Variants in PCED1B observed in about 807,000 individuals in gnomAD.
PCED1B encodes PC-esterase domain-containing protein 1B.
For synonymous variants in PCED1B, 251 were observed against 246.1 expected, an observed-to-expected ratio of 1.02 and a Z score of -0.19; for missense variants, 573 against 573.9, an observed-to-expected ratio of 1.00 and a Z score of 0.02.
At chr12:47,083,521 G>A (rs1565736810) in intron 1 of PCED1B, among the ~76,000 whole-genome samples, 1 of 152,134 alleles carries the variant, frequency 6.6e-6, no homozygotes. Context: ...CAACAACTAT[G>A]GAAGTGCACT....
intron 2 of PCED1B, among the ~76,000 whole-genome samples, chr12:47,115,060 TTATC>T (rs899911847): frequency 3.9e-5 from 6 of 152,178 alleles, no homozygotes; most frequent in African/African-American, 9.7e-5. Context: ...TGTTACCTGT[TTATC>T]TAAGTGTATA....
At chr12:47,205,065 G>C (rs1174041087) in intron 2 of PCED1B, among the ~76,000 whole-genome samples, 1 of 152,178 alleles carries the variant, frequency 6.6e-6, no homozygotes, top group African/African-American at 2.4e-5. Flanking sequence ...TGGGAGACTG[G>C]AGTTTTATTA....
At chr12:47,152,012 A>C (rs1260113882) in intron 2 of PCED1B, among the ~76,000 whole-genome samples, 1 of 152,246 alleles carries the variant, frequency 6.6e-6, no homozygotes, top group Non-Finnish European at 1.5e-5. Flanking sequence ...TAACTGAATA[A>C]ATTATTTATT....
intron 2 of PCED1B, among the ~76,000 whole-genome samples, chr12:47,119,838 G>A (rs1383503294): frequency 6.6e-6 from 1 of 151,884 alleles, no homozygotes; most frequent in African/African-American, 2.4e-5. Context: ...GGTGGCAGGT[G>A]CCTGTAATCC....
At chr12:47,132,670 C>T (rs1329534709) in intron 2 of PCED1B, among the ~76,000 whole-genome samples, 2 of 152,174 alleles carry the variant, frequency 1.3e-5, no homozygotes, top group Non-Finnish European at 2.9e-5. Flanking sequence ...GCCCCAGAAC[C>T]TGTGTTGTCA....
chr12:47,130,409 G>A (rs185929384), intron 2 of PCED1B, among the ~76,000 whole-genome samples: 2 of 152,228 alleles, frequency 1.3e-5, no homozygotes, highest in East Asian at 3.9e-4. Flanking sequence ...AAATGTGGTG[G>A]CTCACACCTG....
At chr12:47,159,841 T>C (rs563098995) in intron 2 of PCED1B, among the ~76,000 whole-genome samples, 1 of 152,214 alleles carries the variant, frequency 6.6e-6, no homozygotes, top group Non-Finnish European at 1.5e-5. Context: ...GTTTCTCCTA[T>C]GTTTTCTTCT....
At chr12:47,080,951 C>T (rs986375559) in intron 1 of PCED1B, among the ~76,000 whole-genome samples, 3 of 152,120 alleles carry the variant, frequency 2.0e-5, no homozygotes, top group Non-Finnish European at 4.4e-5. Context: ...GCTCTTCATC[C>T]CTTCCGGAGA....
chr12:47,181,336 T>C (rs1164525919), intron 2 of PCED1B, among the ~76,000 whole-genome samples: 2 of 151,834 alleles, frequency 1.3e-5, no homozygotes, highest in Admixed American at 1.3e-4. Context: ...CTAATATATA[T>C]TAGAAAGAAT....
intron 1 of PCED1B, among the ~76,000 whole-genome samples, chr12:47,089,324 G>T (rs1399764598): frequency 6.6e-6 from 1 of 151,102 alleles, no homozygotes; most frequent in Non-Finnish European, 1.5e-5. Context: ...ACGGGCACCT[G>T]TAGTCCCAGC....
chr12:47,206,753 G>T (rs1002431428), intron 2 of PCED1B, among the ~76,000 whole-genome samples: 3 of 142,322 alleles, frequency 2.1e-5, no homozygotes, highest in Admixed American at 1.4e-4. Context: ...CCCCGCCCCC[G>T]CAACAAAAAA....
At chr12:47,103,730 C>T (rs1938821289) in intron 1 of PCED1B, among the ~76,000 whole-genome samples, 1 of 152,138 alleles carries the variant, frequency 6.6e-6, no homozygotes, top group Non-Finnish European at 1.5e-5. Context: ...CTCTCCTCCT[C>T]TGTCTTCCCG....
chr12:47,089,597 A>C (rs1938175624), intron 1 of PCED1B, among the ~76,000 whole-genome samples: 1 of 150,786 alleles, frequency 6.6e-6, no homozygotes, highest in African/African-American at 2.4e-5. Context: ...GGTGAGTGTG[A>C]AATAATAAAG....
chr12:47,230,887 G>A (rs1346783987), intron 3 of PCED1B, among the ~76,000 whole-genome samples: 1 of 152,198 alleles, frequency 6.6e-6, no homozygotes, highest in East Asian at 1.9e-4. Flanking sequence ...TAATTTAGCA[G>A]CACTTCCTAC....
intron 2 of PCED1B, among the ~76,000 whole-genome samples, chr12:47,174,990 G>T (rs1294545069): frequency 6.6e-6 from 1 of 152,160 alleles, no homozygotes; most frequent in African/African-American, 2.4e-5. Flanking sequence ...GCTGAGTATT[G>T]TGACTTATAA....
chr12:47,162,123 G>C lies in PCED1B; in HGVS notation c.-525-54099G>C, dbSNP rs572358635. On this transcript the variant is annotated intron_variant, in intron 2 of 3. Transcript: ENST00000546455. ...CACTGGGGCCTGTTGTGGGGTGGTGGGGGGGGGAAGGATAGCATTAGGAGA... is the reference window on the plus strand; with the variant it reads ...CACTGGGGCCTGTTGTGGGGTGGTGCGGGGGGGAAGGATAGCATTAGGAGA... Among the ~76,000 whole-genome samples the C allele has an allele frequency of 6.5e-4, 96 of 147,604 alleles. 3 individuals carry two copies. The highest frequency in any genetic ancestry group is 2.4e-3 in the African/African-American group (92 of 37,674).
chr12:47,231,704 A>G (rs1398987285), intron 3 of PCED1B, among the ~76,000 whole-genome samples: 1 of 152,198 alleles, frequency 6.6e-6, no homozygotes, highest in Admixed American at 6.5e-5. Context: ...GAAAGAATGC[A>G]TTAGAGCATT....
chr12:47,096,503 T>G (rs1470444924), intron 1 of PCED1B, among the ~76,000 whole-genome samples: 1 of 151,944 alleles, frequency 6.6e-6, no homozygotes, highest in East Asian at 1.9e-4. Flanking sequence ...TTCACCTATA[T>G]TTAGCTTCCC....
At chr12:47,215,963 G>C (rs1478728705) in intron 2 of PCED1B, among the ~76,000 whole-genome samples, 1 of 152,072 alleles carries the variant, frequency 6.6e-6, no homozygotes, top group Non-Finnish European at 1.5e-5. Context: ...TGAAGCAGGA[G>C]AATCGCTTGA....
Sources: allele counts gnomAD v4.1 joint callset (sites outside exome capture counted in the v4.1 genomes callset), GRCh38; gene constraint gnomAD v4.1.1; transcripts MANE v1.5; gene names NCBI Gene and HGNC (gene_info 2026-07-23, HGNC 2026-07-21).